Variants in FOXO3 observed in about 807,000 individuals in gnomAD.
The protein encoded by FOXO3 is forkhead box O3, also known as forkhead box protein O3.
Under a neutral mutation model 41.9 loss-of-function variants are expected in FOXO3, and 4 were observed. The ratio of observed to expected loss-of-function variants is 0.10; its 90% CI spans 0.05 to 0.22. The LOEUF is 0.22. Among genes scored for constraint, FOXO3 ranks in the 10% least tolerant of loss-of-function variants. FOXO3 has a pLI of 1.00. For missense variants in FOXO3, 534 were observed against 906.8 expected, an observed-to-expected ratio of 0.59 and a Z score of 5.28; for synonymous variants, 318 against 389.3, an observed-to-expected ratio of 0.82 and a Z score of 2.16.
chr6:108,561,079 T>A lies in FOXO3; in HGVS notation c.-130T>A. ...CTCTCCTTCTCTCTTCTTTGGTGCT[T>A]CCCCAGGCGGCGGCGGCGGCGCCCG... On this transcript the variant is annotated 5_prime_UTR_variant, in exon 1 of 3. Coordinates refer to ENST00000406360, the MANE Select transcript of FOXO3 (RefSeq NM_001455.4). 1 of 1,428,354 alleles carries A rather than the reference T, an allele frequency of 7.0e-7. No individual in the cohort carries two copies. Among genetic ancestry groups the A allele is most frequent in the Non-Finnish European group, 9.1e-7 (1 of 1,101,416 alleles). The allele number at this position is 1,428,354 out of a possible 1,614,324, so 88.5% of individuals were successfully genotyped here. A position where few individuals can be genotyped will look rare whatever the true frequency, so the allele number is the denominator to read the frequency against.
intron 1 of FOXO3, 34 bp downstream of exon 1, chr6:108,561,863 GC>G (rs1349927159): frequency 1.3e-6 from 2 of 1,506,972 alleles, no homozygotes; most frequent in Non-Finnish European, 1.8e-6. Context: ...AGCAGGACCC[GC>G]CGGGCCTCCT....
At chr6:108,599,176 C>A (rs933802850) in intron 1 of FOXO3, among the ~76,000 whole-genome samples, 1 of 152,050 alleles carries the variant, frequency 6.6e-6, no homozygotes, top group Non-Finnish European at 1.5e-5. Context: ...AGTAAATGAC[C>A]CTTCTGAATT....
At chr6:108,644,691 G>A (rs988257005) in intron 1 of FOXO3, among the ~76,000 whole-genome samples, 6 of 151,956 alleles carry the variant, frequency 3.9e-5, no homozygotes, top group Non-Finnish European at 5.9e-5. Flanking sequence ...ACACCCATCC[G>A]CTCCATCCTC....
chr6:108,657,929 T>TA (rs1446748636), intron 1 of FOXO3, among the ~76,000 whole-genome samples: 3 of 152,182 alleles, frequency 2.0e-5, no homozygotes, highest in African/African-American at 7.2e-5. Flanking sequence ...CAGGTCCACT[T>TA]ACATAGAGCT....
intron 1 of FOXO3, among the ~76,000 whole-genome samples, chr6:108,580,983 T>A (rs553177301): frequency 6.6e-6 from 1 of 152,330 alleles, no homozygotes; most frequent in East Asian, 1.9e-4. Flanking sequence ...TTTCACAGAT[T>A]CAGAAATGAG....
intron 1 of FOXO3, among the ~76,000 whole-genome samples, chr6:108,638,445 A>C (rs1778173560): frequency 6.6e-6 from 1 of 152,202 alleles, no homozygotes; most frequent in South Asian, 2.1e-4. Context: ...CCAGCCTTTA[A>C]CTAGCAGTGT....
chr6:108,618,126 T>C (rs771060761), intron 1 of FOXO3: 73 of 851,838 alleles, frequency 8.6e-5, no homozygotes, highest in Non-Finnish European at 1.4e-4. Flanking sequence ...ATCTGCCTCA[T>C]GGACAATCCC....
chr6:108,642,331 TC>T (rs1301775288), intron 1 of FOXO3, among the ~76,000 whole-genome samples: 1 of 152,120 alleles, frequency 6.6e-6, no homozygotes, highest in Admixed American at 6.5e-5. Flanking sequence ...GCTCAAGTGA[TC>T]CTCTATCCTT....
chr6:108,628,361 C>G (rs899105182), intron 1 of FOXO3, among the ~76,000 whole-genome samples: 1 of 152,222 alleles, frequency 6.6e-6, no homozygotes, highest in Admixed American at 6.5e-5. Context: ...CTCTCCTCCC[C>G]CAAAAGCCCT....
chr6:108,654,039 T>C (rs2128383582), intron 1 of FOXO3, among the ~76,000 whole-genome samples: 1 of 152,300 alleles, frequency 6.6e-6, no homozygotes, highest in East Asian at 1.9e-4. Flanking sequence ...TAACCTACTT[T>C]CTGGGACTGT....
intron 1 of FOXO3, chr6:108,618,098 C>T (rs569728042): frequency 5.3e-5 from 41 of 775,692 alleles, no homozygotes; most frequent in African/African-American, 2.4e-4. Context: ...ATTTGGTTGC[C>T]GGTCAAATCA....
At position 108,561,727 on chromosome 6, in the gene FOXO3, C is replaced by G. The variant is rs764495520; in HGVS notation, c.519C>G (p.Ser173=). The G allele has an allele frequency of 2.5e-6, 4 of 1,610,716 alleles. No homozygotes were observed. In the East Asian group the frequency reaches 9.0e-5, roughly 36 times the overall value. The part of the protein sequence containing the change: ...ADLITRAIES[S]PDKRLTLSQI... Reference sequence around the variant, plus strand: ...TGATCACCCGCGCCATCGAGAGCTCCCCGGACAAACGGCTCACTCTGTCCC... The same window carrying G: ...TGATCACCCGCGCCATCGAGAGCTCGCCGGACAAACGGCTCACTCTGTCCC... Residue 173 remains serine (S), a synonymous_variant, in exon 1 of 3, where the codon TCC becomes TCG. Transcript: ENST00000406360.
chr6:108,587,202 C>T (rs1276862548), intron 1 of FOXO3, among the ~76,000 whole-genome samples: 1 of 152,008 alleles, frequency 6.6e-6, no homozygotes, highest in Non-Finnish European at 1.5e-5. Context: ...GTTGACCAAG[C>T]TCACCCAGCT....
chr6:108,627,188 C>G (rs577783967), intron 1 of FOXO3, among the ~76,000 whole-genome samples: 17 of 152,282 alleles, frequency 1.1e-4, no homozygotes, highest in Admixed American at 1.0e-3. Flanking sequence ...CTAGTCTGCC[C>G]TCACATATCC....
chr6:108,596,726 T>TA (rs1367947311), intron 1 of FOXO3, among the ~76,000 whole-genome samples: 1 of 152,098 alleles, frequency 6.6e-6, no homozygotes, highest in Non-Finnish European at 1.5e-5. Flanking sequence ...ATCTGTGGTT[T>TA]AAAAAAAGGA....
chr6:108,666,099 G>A (rs534742221), intron 2 of FOXO3, among the ~76,000 whole-genome samples: 12 of 152,176 alleles, frequency 7.9e-5, no homozygotes, highest in African/African-American at 2.9e-4. Context: ...CTACCACTAT[G>A]GTTGTGTCTT....
intron 1 of FOXO3, among the ~76,000 whole-genome samples, chr6:108,591,293 T>G (rs1776727842): frequency 1.3e-5 from 2 of 152,338 alleles, no homozygotes; most frequent in South Asian, 4.1e-4. Flanking sequence ...TTCTTACCTG[T>G]TAGAACAGAG....
At chr6:108,633,220 T>C (rs1338379698) in intron 1 of FOXO3, among the ~76,000 whole-genome samples, 4 of 152,164 alleles carry the variant, frequency 2.6e-5, no homozygotes, top group Non-Finnish European at 5.9e-5. Context: ...TTCTCATTTA[T>C]AAATTAGAAG....
intron 1 of FOXO3, among the ~76,000 whole-genome samples, chr6:108,573,218 C>T (rs997561027): frequency 3.3e-5 from 5 of 151,940 alleles, no homozygotes; most frequent in Non-Finnish European, 5.9e-5. Context: ...ACCCAGGAGG[C>T]GGAGCTTGCA....
Sources: allele counts gnomAD v4.1 joint callset (sites outside exome capture counted in the v4.1 genomes callset), GRCh38; gene constraint gnomAD v4.1.1; transcripts MANE v1.5; gene names NCBI Gene and HGNC (gene_info 2026-07-23, HGNC 2026-07-21).